The following USP6NL variants were observed in gnomAD, a reference collection of about 807,000 sequenced individuals.
USP6NL encodes the protein USP6 N-terminal-like protein.
Under a neutral mutation model 61.9 loss-of-function variants are expected in USP6NL, and 26 were observed. The ratio of observed to expected loss-of-function variants is 0.42; its 90% CI spans 0.31 to 0.58. The LOEUF is 0.58. Among genes scored for constraint, USP6NL ranks in the 20% least tolerant of loss-of-function variants. The pLI is 0.16. For synonymous variants in USP6NL, 432 were observed against 390.1 expected (o/e 1.11, Z -1.27); for missense variants, 1,114 against 1,034.3 (o/e 1.08, Z -1.06).
rs1232327236 is a variant in USP6NL at position 11,553,920 on chromosome 10, G to A, written c.5-26353C>T. ...AAAAAAAAAAGCAAGATTAAAACAAGACAAGATGTTTATGTCTCTCCTGAT... is the reference window on the plus strand; with the variant it reads ...AAAAAAAAAAGCAAGATTAAAACAAAACAAGATGTTTATGTCTCTCCTGAT... On this transcript the variant is annotated intron_variant, in intron 2 of 14. Transcript: ENST00000609104. The surrounding 1 kb of genome is among the most constrained non-coding windows in gnomAD (Gnocchi z 4.8). Among the ~76,000 whole-genome samples the A allele has an allele frequency of 6.7e-6, 1 of 149,424 alleles. No homozygotes were observed. The highest frequency in any genetic ancestry group is 1.5e-5 in the Non-Finnish European group (1 of 67,582).
At chr10:11,559,717 T>C (rs558365579) in intron 2 of USP6NL, among the ~76,000 whole-genome samples, 2 of 152,352 alleles carry the variant, frequency 1.3e-5, no homozygotes, top group South Asian at 4.1e-4. Context: ...TAAATTGTTG[T>C]GACTTGATCG....
Position 11,511,023 on chromosome 10 carries a change from G to A in USP6NL, c.196-1348C>T, listed in dbSNP as rs891131353. On this transcript the variant is annotated intron_variant, in intron 5 of 14. Coordinates refer to ENST00000609104, the MANE Select transcript of USP6NL (RefSeq NM_014688.5). The surrounding 1 kb of genome is among the most constrained non-coding windows in gnomAD (Gnocchi z 4.9). ...CAGGCAGACATTATGCTGGCAGATG[G>A]CATATATGCCTCACCACCACTATTT... is the stretch of plus-strand genomic sequence containing the variant. Among the ~76,000 whole-genome samples, 5 of 152,174 alleles carry A rather than the reference G, an allele frequency of 3.3e-5. No homozygotes were observed. The highest frequency in any genetic ancestry group is 7.3e-5 in the Non-Finnish European group (5 of 68,034).
rs1566202887 is a variant in USP6NL at position 11,589,721 on chromosome 10, C to T, written c.4+7910G>A. Among the ~76,000 whole-genome samples, 1 of 152,162 alleles carries T rather than the reference C, an allele frequency of 6.6e-6. No individual in the cohort carries two copies. The highest frequency in any genetic ancestry group is 1.5e-5 in the Non-Finnish European group (1 of 68,028). ...CTCTTCTAACATCTAAAACAGGCAA[C>T]TGTATTTTTAAAAAGACATTGTGAC... On this transcript the variant is annotated intron_variant, in intron 2 of 14. Coordinates refer to ENST00000609104, the MANE Select transcript of USP6NL (RefSeq NM_014688.5). The surrounding 1 kb of genome is among the most constrained non-coding windows in gnomAD (Gnocchi z 4.7).
At position 11,481,735 on chromosome 10, in the gene USP6NL, A is replaced by G; in HGVS notation, c.1078+35T>C. On this transcript the variant is annotated intron_variant, in intron 14 of 14. Coordinates refer to ENST00000609104, the MANE Select transcript of USP6NL (RefSeq NM_014688.5). This position sits in a 1 kb window ranked among gnomAD's most constrained non-coding sequence, Gnocchi z 4.4. ...TATGCCATGTCTTCCAATCTTAATT[A>G]TAACGTAGATATAAAGTATTGGGGT... The G allele has an allele frequency of 1.9e-6, 3 of 1,562,744 alleles. No individual in the cohort carries two copies. The highest frequency in any genetic ancestry group is 2.6e-6 in the Non-Finnish European group (3 of 1,158,512).
chr10:11,593,517 G>A (rs968314803), intron 2 of USP6NL, among the ~76,000 whole-genome samples: 1 of 152,008 alleles, frequency 6.6e-6, no homozygotes, highest in Non-Finnish European at 1.5e-5. Flanking sequence ...AACAAAATGG[G>A]CAAGTGTGAT....
chr10:11,463,956 A>G lies in USP6NL; in HGVS notation c.1079-107T>C. 3 of 1,018,640 alleles carry G rather than the reference A, an allele frequency of 2.9e-6. No individual in the cohort carries two copies. The highest frequency in any genetic ancestry group is 4.2e-6 in the Non-Finnish European group (3 of 709,598). 63.1% of individuals were successfully genotyped at this position (1,018,640 alleles called of 1,614,324 possible). On this transcript the variant is annotated intron_variant, in intron 14 of 14. Transcript: ENST00000609104. The surrounding 1 kb of genome is among the most constrained non-coding windows in gnomAD (Gnocchi z 6.3). ...ATGCTTTTCATCTGTGCACAGATAC[A>G]CGCTGACATACAACACACTGTCATA...
intron 7 of USP6NL, among the ~76,000 whole-genome samples, chr10:11,494,470 C>T (rs1228245637): frequency 2.0e-5 from 3 of 152,152 alleles, no homozygotes; most frequent in East Asian, 1.9e-4. Context: ...AGTTTCTCCC[C>T]GTGTGTGGCG....
rs749117055 is a variant in USP6NL, at chr10:11,596,623, CA to C, written c.4+1007del. ...TGGGCGACAGAGGGAGACTCCGTCTCAAAAAAAAAAAAAAAAACTCTTTCTT... is the reference window on the plus strand; with the variant it reads ...TGGGCGACAGAGGGAGACTCCGTCTCAAAAAAAAAAAAAAAACTCTTTCTT... On this transcript the variant is annotated intron_variant, in intron 2 of 14. Transcript: ENST00000609104. The surrounding 1 kb of genome is among the most constrained non-coding windows in gnomAD (Gnocchi z 4.1). 0.012 allele frequency among the ~76,000 whole-genome samples: 761 copies of C among 63,314 alleles called. 7 individuals are homozygous for C. The highest frequency in any genetic ancestry group is 0.036 in the African/African-American group (633 of 17,542). 41.5% of individuals were successfully genotyped at this position (63,314 alleles called of 152,430 possible).
intron 2 of USP6NL, among the ~76,000 whole-genome samples, chr10:11,576,089 GAAA>G (rs761383093): frequency 7.7e-6 from 1 of 130,490 alleles, no homozygotes. Context: ...AACACTTCAG[GAAA>G]AAAAAAAAAA....
At chr10:11,569,758 T>C (rs1438802989) in intron 2 of USP6NL, among the ~76,000 whole-genome samples, 2 of 152,232 alleles carry the variant, frequency 1.3e-5, no homozygotes, top group Non-Finnish European at 2.9e-5. Flanking sequence ...AAATACTGCA[T>C]AGGTTAAGCC....
chr10:11,609,578 C>T (rs1838814417), intron 1 of USP6NL, among the ~76,000 whole-genome samples: 1 of 152,222 alleles, frequency 6.6e-6, no homozygotes, highest in Admixed American at 6.5e-5. Flanking sequence ...CATTAACATT[C>T]CTCACACTTT....
In USP6NL at chr10:11,527,519, A is replaced by T. The variant is rs1299285030; in HGVS notation, c.53T>A (p.Ile18Lys). ...ACTTACTCTGTCATATTTAGCAACT[A>T]TTTCAGCTCGCTCCTGGGCAAGTTT... is the stretch of plus-strand genomic sequence containing the variant. ...ALKLAQERAE[I>K]VAKYDRGREG... The change falls in exon 3 of 15, where the codon ATA becomes AAA. Residue 18 changes from isoleucine to lysine, a missense_variant. Transcript: ENST00000609104. 6.2e-7 allele frequency: 1 copy of T among 1,608,016 alleles called. No individual in the cohort carries two copies.
intron 13 of USP6NL, among the ~76,000 whole-genome samples, chr10:11,483,149 C>T (rs1294820208): frequency 1.3e-5 from 2 of 152,144 alleles, no homozygotes; most frequent in Admixed American, 6.5e-5. Context: ...CCTTCCATTT[C>T]GGAAGCTTTA....
intron 14 of USP6NL, among the ~76,000 whole-genome samples, chr10:11,464,173 C>A (rs189855239): frequency 1.2e-3 from 180 of 152,342 alleles, no homozygotes; most frequent in Admixed American, 4.4e-3. Flanking sequence ...CAGGCAGGCA[C>A]ACATGCAGCC....
At position 11,463,103 on chromosome 10, in the gene USP6NL, G is replaced by T; in HGVS notation, c.1825C>A (p.Pro609Thr). 6.2e-7 allele frequency: 1 copy of T among 1,614,018 alleles called. No homozygotes were observed. The highest frequency in any genetic ancestry group is 8.5e-7 in the Non-Finnish European group (1 of 1,179,894). Residue 609 changes from proline (P) to threonine (T), a missense_variant, in exon 15 of 15, where the codon CCT (proline) becomes ACT (threonine). Transcript: ENST00000609104. The surrounding 1 kb of genome is among the most constrained non-coding windows in gnomAD (Gnocchi z 6.3). ...GACGGATATCGTGCATGACTTGGAG[G>T]CTGTACTTTAAAAGTAAACTTGTTG... ...VSNKFTFKVQ[P>T]PSHARYPSQL... is the part of the protein sequence containing the mutation.
intron 2 of USP6NL, among the ~76,000 whole-genome samples, chr10:11,581,358 T>C (rs1837765549): frequency 6.6e-6 from 1 of 152,218 alleles, no homozygotes; most frequent in African/African-American, 2.4e-5. Context: ...AACATCACTT[T>C]TATGCAAAAA....
At position 11,607,503 on chromosome 10, in the gene USP6NL, G is replaced by A. The variant is rs919542422; in HGVS notation, c.-84+3940C>T. On this transcript the variant is annotated intron_variant, in intron 1 of 14. Transcript: ENST00000609104. Reference sequence around the variant, plus strand: ...ATTCAAGACCAGCCTGGGCAACATGGAGAAACCTCATCTCTACCAAAAAAA... The same window carrying A: ...ATTCAAGACCAGCCTGGGCAACATGAAGAAACCTCATCTCTACCAAAAAAA... Among the ~76,000 whole-genome samples the A allele has an allele frequency of 2.0e-5, 3 of 152,136 alleles. No individual in the cohort carries two copies. In the South Asian group the frequency reaches 6.2e-4, roughly 31 times the overall value.
chr10:11,543,219 A>G (rs1157721269), intron 2 of USP6NL, among the ~76,000 whole-genome samples: 1 of 152,164 alleles, frequency 6.6e-6, no homozygotes, highest in Admixed American at 6.5e-5. Flanking sequence ...AATCACATCC[A>G]AATATATATT....
intron 2 of USP6NL, chr10:11,565,785 A>T (rs1837127114): frequency 6.6e-6 from 1 of 152,198 alleles, no homozygotes; most frequent in Non-Finnish European, 1.5e-5. Flanking sequence ...AGGAGTGGAG[A>T]GGCTGGTTAA....
Sources: gnomAD v4.1 joint callset for allele counts (sites outside exome capture counted in the v4.1 genomes callset) on GRCh38, gnomAD v4.1.1 for gene constraint, Gnocchi (gnomAD v3.1) non-coding constraint, MANE v1.5 for transcripts, NCBI Gene and HGNC (gene_info 2026-07-23, HGNC 2026-07-21) for gene names.